The following NOL4 variants were observed in gnomAD, a reference collection of about 807,000 sequenced individuals.
NOL4 encodes nucleolar protein 4, also known as cancer/testis antigen 125.
A neutral mutation model predicts 75.9 loss-of-function variants in NOL4; 17 were observed. That is an observed-to-expected ratio of 0.22 (90% CI 0.15 to 0.34). The LOEUF (loss-of-function observed/expected upper bound fraction) is 0.34, where lower values mean the gene tolerates loss of function less well. NOL4 is among the 10% of genes least tolerant of loss of function. The pLI, the probability that NOL4 is intolerant of heterozygous loss-of-function variation, is 1.00. For missense variants in NOL4, 614 were observed against 793.5 expected (o/e 0.77, Z 2.72); for synonymous variants, 292 against 289.9 (o/e 1.01, Z -0.07).
intron 6 of NOL4, among the ~76,000 whole-genome samples, chr18:33,981,110 A>C (rs2071920391): frequency 6.6e-6 from 1 of 152,088 alleles, no homozygotes; most frequent in Non-Finnish European, 1.5e-5. Context: ...GGCTGTGGAA[A>C]GAATCTCTGA....
chr18:33,921,744 C>T (rs2067051536), intron 9 of NOL4, among the ~76,000 whole-genome samples: 1 of 152,102 alleles, frequency 6.6e-6, no homozygotes, highest in African/African-American at 2.4e-5. Flanking sequence ...GAATAAAATT[C>T]TGCTATTTTA....
intron 6 of NOL4, among the ~76,000 whole-genome samples, chr18:34,001,189 T>C (rs1328773732): frequency 1.3e-5 from 2 of 152,144 alleles, no homozygotes; most frequent in Non-Finnish European, 2.9e-5. Flanking sequence ...TCATTTTTAG[T>C]ATAGTAGGGT....
intron 1 of NOL4, among the ~76,000 whole-genome samples, chr18:34,152,938 A>T (rs889697939): frequency 6.6e-6 from 1 of 151,862 alleles, no homozygotes; most frequent in African/African-American, 2.4e-5. Flanking sequence ...TCCCCAAATC[A>T]CATTGTAATA....
intron 1 of NOL4, among the ~76,000 whole-genome samples, chr18:34,165,243 T>TAATAA (rs71159860): frequency 0.48 from 72,432 of 150,240 alleles, 17,577 homozygotes; most frequent in Admixed American, 0.56. Flanking sequence ...AGTATAATAA[T>TAATAA]AATAAAATAA....
At chr18:34,185,159 T>C (rs1210146326) in intron 1 of NOL4, among the ~76,000 whole-genome samples, 1 of 152,158 alleles carries the variant, frequency 6.6e-6, no homozygotes. Flanking sequence ...TAAAGCAATG[T>C]TGATGTTCTA....
rs1238767978 is a variant in NOL4, at chr18:33,851,242, A to G, written c.*1600T>C. 2 of 152,508 alleles carry G rather than the reference A, an allele frequency of 1.3e-5. No individual in the cohort carries two copies. Among genetic ancestry groups the G allele is most frequent in the Non-Finnish European group, 2.9e-5 (2 of 67,996 alleles). 9.4% of individuals were successfully genotyped at this position (152,508 alleles called of 1,614,324 possible). Reference sequence around the variant, plus strand: ...GTTTGTGCAGCTATGTATTTCCAAAATACTCATATTTCAATAAGATTTTTC... The same window carrying G: ...GTTTGTGCAGCTATGTATTTCCAAAGTACTCATATTTCAATAAGATTTTTC... On this transcript the variant is annotated 3_prime_UTR_variant, in exon 11 of 11. Coordinates refer to ENST00000261592, the MANE Select transcript of NOL4 (RefSeq NM_003787.5).
chr18:33,990,625 A>G (rs960844795), intron 6 of NOL4, among the ~76,000 whole-genome samples: 1 of 152,046 alleles, frequency 6.6e-6, no homozygotes, highest in African/African-American at 2.4e-5. Context: ...TTCTACAGTT[A>G]CGTGAAAATA....
At chr18:34,072,091 CGTG>C (rs2145271180) in intron 5 of NOL4, among the ~76,000 whole-genome samples, 1 of 152,032 alleles carries the variant, frequency 6.6e-6, no homozygotes, top group African/African-American at 2.4e-5. Flanking sequence ...ATTAGCCGGG[CGTG>C]GTGGTGGGCA....
chr18:33,901,411 CTTTG>C (rs2065742939), intron 9 of NOL4, among the ~76,000 whole-genome samples: 1 of 152,100 alleles, frequency 6.6e-6, no homozygotes, highest in Middle Eastern at 3.4e-3. Flanking sequence ...TGATGACTGG[CTTTG>C]TTTAATACCT....
At chr18:33,987,889 A>G (rs1158250190) in intron 6 of NOL4, among the ~76,000 whole-genome samples, 2 of 152,068 alleles carry the variant, frequency 1.3e-5, no homozygotes, top group African/African-American at 2.4e-5. Flanking sequence ...CTGAAGCCAG[A>G]TGATTTCTGC....
chr18:34,167,044 C>A (rs1346088285), intron 1 of NOL4, among the ~76,000 whole-genome samples: 10 of 5,666 alleles, frequency 1.8e-3, no homozygotes, highest in Admixed American at 0.01. Context: ...GACTCCGTCT[C>A]AAAAAAAAAA....
At chr18:33,887,943 G>A (rs535046913) in intron 9 of NOL4, among the ~76,000 whole-genome samples, 37 of 152,276 alleles carry the variant, frequency 2.4e-4, no homozygotes, top group Middle Eastern at 3.4e-3. Flanking sequence ...CCAGTAATGG[G>A]ATGGCTGGGT....
At chr18:34,008,213 C>A (rs1186281077) in intron 6 of NOL4, among the ~76,000 whole-genome samples, 3 of 151,962 alleles carry the variant, frequency 2.0e-5, no homozygotes, top group Admixed American at 2.0e-4. Context: ...CTGGGACTTA[C>A]ACCATTGGCT....
At chr18:34,087,989 T>A (rs1404043637) in intron 5 of NOL4, among the ~76,000 whole-genome samples, 1 of 151,896 alleles carries the variant, frequency 6.6e-6, no homozygotes, top group Non-Finnish European at 1.5e-5. Context: ...TTTATTCCTA[T>A]TATCTTTTTT....
intron 6 of NOL4, among the ~76,000 whole-genome samples, chr18:33,994,412 T>A (rs896686936): frequency 6.6e-6 from 1 of 151,986 alleles, no homozygotes; most frequent in Admixed American, 6.6e-5. Context: ...TTCTAGGACA[T>A]AAAGCCAATC....
At chr18:33,995,080 A>G (rs2073177197) in intron 6 of NOL4, among the ~76,000 whole-genome samples, 1 of 151,688 alleles carries the variant, frequency 6.6e-6, no homozygotes, top group African/African-American at 2.4e-5. Flanking sequence ...AGCATAAGCA[A>G]TCATGGTAGA....
chr18:34,135,229 C>T (rs1021592539), intron 1 of NOL4, among the ~76,000 whole-genome samples: 1 of 151,962 alleles, frequency 6.6e-6, no homozygotes, highest in Non-Finnish European at 1.5e-5. Context: ...AAAGAAGGAT[C>T]ATTATTGACC....
chr18:34,088,124 A>C (rs1290620066), intron 5 of NOL4, among the ~76,000 whole-genome samples: 1 of 152,004 alleles, frequency 6.6e-6, no homozygotes, highest in Non-Finnish European at 1.5e-5. Context: ...ACAAAATATC[A>C]ATAGTTTACA....
At chr18:33,975,872 T>C (rs182545321) in intron 6 of NOL4, among the ~76,000 whole-genome samples, 213 of 152,358 alleles carry the variant, frequency 1.4e-3, no homozygotes, top group African/African-American at 5.0e-3. Flanking sequence ...ATGGTGGTCC[T>C]TTGCAGAAGG....
Sources: gnomAD v4.1 joint callset for allele counts (sites outside exome capture counted in the v4.1 genomes callset) on GRCh38, gnomAD v4.1.1 for gene constraint, MANE v1.5 for transcripts, NCBI Gene and HGNC (gene_info 2026-07-23, HGNC 2026-07-21) for gene names.